Variants in WWP1 observed in about 807,000 individuals in gnomAD.
WWP1 encodes NEDD4-like E3 ubiquitin-protein ligase WWP1.
Under a neutral mutation model 130.6 loss-of-function variants are expected in WWP1, and 49 were observed. That is an observed-to-expected ratio of 0.38 (90% CI 0.30 to 0.48). WWP1 has a LOEUF of 0.48. WWP1 is among the 20% of genes least tolerant of loss of function. The pLI, the probability that WWP1 is intolerant of heterozygous loss-of-function variation, is 0.99. For missense variants in WWP1, 809 were observed against 1,100.6 expected, an observed-to-expected ratio of 0.74 and a Z score of 3.75; for synonymous variants, 332 against 367.8, an observed-to-expected ratio of 0.90 and a Z score of 1.11.
At chr8:86,423,582 TTCTTA>T (rs1022529123) in intron 9 of WWP1, among the ~76,000 whole-genome samples, 18 of 152,280 alleles carry the variant, frequency 1.2e-4, no homozygotes, top group African/African-American at 2.9e-4. Flanking sequence ...AGAAGAGTCT[TTCTTA>T]GTACAGAACA....
chr8:86,452,260 C>T (rs1372464680), intron 20 of WWP1, among the ~76,000 whole-genome samples: 1 of 152,100 alleles, frequency 6.6e-6, no homozygotes, highest in Non-Finnish European at 1.5e-5. Flanking sequence ...TAGGATTTGG[C>T]TATCTTACTA....
chr8:86,367,043 T>C lies in WWP1; in HGVS notation c.-114-1896T>C, dbSNP rs7815082. Among the ~76,000 whole-genome samples, 878 of 152,344 alleles carry C rather than the reference T, an allele frequency of 5.8e-3. 5 individuals are homozygous for C. Among genetic ancestry groups the C allele is most frequent in the African/African-American group, 0.02 (818 of 41,588 alleles). On this transcript the variant is annotated intron_variant, in intron 1 of 24. Transcript: ENST00000517970. ...TGCCACATTCATTGAGTTTTAAATT[T>C]GGTGCTTGATAAAATAGCTTTGCCT... is the stretch of plus-strand genomic sequence containing the variant.
At chr8:86,463,646 A>G (rs943321254) in intron 24 of WWP1, among the ~76,000 whole-genome samples, 4 of 151,338 alleles carry the variant, frequency 2.6e-5, no homozygotes, top group Non-Finnish European at 5.9e-5. Context: ...TTTTTCTATT[A>G]TATAATTAAA....
At chr8:86,458,797 T>C (rs574349529) in intron 22 of WWP1, among the ~76,000 whole-genome samples, 25 of 152,238 alleles carry the variant, frequency 1.6e-4, no homozygotes, top group African/African-American at 5.5e-4. Context: ...GTTTATTGCT[T>C]GATATTTTAA....
At chr8:86,362,201 T>TATAC (rs1491081780) in intron 1 of WWP1, among the ~76,000 whole-genome samples, 1 of 121,300 alleles carries the variant, frequency 8.2e-6, no homozygotes, top group Non-Finnish European at 1.7e-5. Flanking sequence ...TATATATATA[T>TATAC]ACTGGAAAAC....
intron 5 of WWP1, among the ~76,000 whole-genome samples, chr8:86,388,004 G>A (rs539457311): frequency 3.1e-4 from 47 of 152,290 alleles, no homozygotes; most frequent in Middle Eastern, 3.4e-3. Flanking sequence ...CATTTGAAAT[G>A]TGGTTTGTAG....
At chr8:86,457,467 C>CTA (rs1304839805) in intron 21 of WWP1, among the ~76,000 whole-genome samples, 2 of 151,144 alleles carry the variant, frequency 1.3e-5, no homozygotes, top group Non-Finnish European at 2.9e-5. Context: ...AGATATAAAT[C>CTA]TATATATATA....
intron 5 of WWP1, chr8:86,387,013 G>C (rs1251919421): frequency 1.3e-5 from 2 of 152,086 alleles, no homozygotes; most frequent in Non-Finnish European, 2.9e-5. Context: ...CTTTTATAAA[G>C]GCCCTAATTC....
chr8:86,423,624 T>G (rs1031368975), intron 9 of WWP1, among the ~76,000 whole-genome samples: 11 of 152,182 alleles, frequency 7.2e-5, no homozygotes, highest in Non-Finnish European at 1.6e-4. Flanking sequence ...GTCTACTTCT[T>G]TCTACACAGA....
chr8:86,362,164 A>G (rs1341580806), intron 1 of WWP1, among the ~76,000 whole-genome samples: 96 of 2,304 alleles, frequency 0.042, 1 homozygote, highest in African/African-American at 0.064. Context: ...TATACAAGGC[A>G]TATATATATA....
chr8:86,413,741 TGAAGA>T (rs1479358345), intron 9 of WWP1, among the ~76,000 whole-genome samples: 1 of 152,224 alleles, frequency 6.6e-6, no homozygotes, highest in African/African-American at 2.4e-5. Context: ...TATATAATGC[TGAAGA>T]GAAAACAGCC....
intron 7 of WWP1, among the ~76,000 whole-genome samples, chr8:86,400,367 C>T (rs1563498105): frequency 6.6e-6 from 1 of 151,932 alleles, no homozygotes; most frequent in Non-Finnish European, 1.5e-5. Flanking sequence ...AGATAGTAAA[C>T]AACAGAAGAC....
At chr8:86,402,973 A>C (rs560655523) in intron 8 of WWP1, among the ~76,000 whole-genome samples, 1 of 152,348 alleles carries the variant, frequency 6.6e-6, no homozygotes, top group Admixed American at 6.5e-5. Context: ...ATTTTCCAAA[A>C]GTAAGCATTA....
Position 86,427,862 on chromosome 8 carries a change from G to T in WWP1, c.1332+45G>T. On this transcript the variant is annotated intron_variant, in intron 11 of 24. Coordinates refer to ENST00000517970, the MANE Select transcript of WWP1 (RefSeq NM_007013.4). ...ATGTTAACATAACTTCCTCCCTCAGGTGTTTCTTTCTTTTTTTTTTTTGCT... is the reference window on the plus strand; with the variant it reads ...ATGTTAACATAACTTCCTCCCTCAGTTGTTTCTTTCTTTTTTTTTTTTGCT... 2.6e-6 allele frequency: 4 copies of T among 1,537,470 alleles called. No individual in the cohort carries two copies. The South Asian group carries it at 3.8e-5, about 15-fold the overall frequency.
intron 1 of WWP1, among the ~76,000 whole-genome samples, chr8:86,343,990 A>G (rs1045616699): frequency 6.6e-6 from 1 of 151,606 alleles, no homozygotes; most frequent in Non-Finnish European, 1.5e-5. Context: ...GTTCATGTTT[A>G]TGTGTAAATC....
intron 18 of WWP1, among the ~76,000 whole-genome samples, chr8:86,445,976 C>CTTTTCTTT (rs1216312552): frequency 5.9e-5 from 5 of 84,984 alleles, no homozygotes; most frequent in African/African-American, 1.7e-4. Flanking sequence ...CTTTTCTTTT[C>CTTTTCTTT]TTTTTTTTTT....
intron 24 of WWP1, among the ~76,000 whole-genome samples, chr8:86,463,790 G>A (rs1011082516): frequency 1.2e-4 from 18 of 151,968 alleles, no homozygotes; most frequent in Admixed American, 1.1e-3. Context: ...GCCAGGCACG[G>A]TGGCTCACAC....
chr8:86,396,216 A>G, intron 5 of WWP1, among the ~76,000 whole-genome samples: 2 of 151,848 alleles, frequency 1.3e-5, no homozygotes, highest in East Asian at 3.9e-4. Flanking sequence ...CTCCTGCGTC[A>G]GCCTCCTAAG....
intron 17 of WWP1, chr8:86,440,587 C>G (rs1810538404): frequency 2.4e-6 from 1 of 419,152 alleles, no homozygotes; most frequent in Admixed American, 2.8e-5. Context: ...TCCTGAAGTT[C>G]AATAATTTCA....
Sources: gnomAD v4.1 joint callset for allele counts (sites outside exome capture counted in the v4.1 genomes callset) on GRCh38, gnomAD v4.1.1 for gene constraint, MANE v1.5 for transcripts, NCBI Gene and HGNC (gene_info 2026-07-23, HGNC 2026-07-21) for gene names.